Variants in TMEM106B observed in about 807,000 individuals in gnomAD.
TMEM106B encodes the protein transmembrane protein 106B.
TMEM106B carries 15 observed loss-of-function variants against 31.1 expected under a neutral mutation model. That is an observed-to-expected ratio of 0.48 (90% CI 0.32 to 0.74). The LOEUF (loss-of-function observed/expected upper bound fraction) is 0.74. Ranked by LOEUF, TMEM106B falls within the 30% of genes least tolerant of loss-of-function variation. TMEM106B has a pLI of 0.03. For synonymous variants in TMEM106B, 126 were observed against 112.5 expected, an observed-to-expected ratio of 1.12 and a Z score of -0.76; for missense variants, 283 against 327.3, an observed-to-expected ratio of 0.86 and a Z score of 1.04.
chr7:12,215,401 ATTTT>A (rs536072939), intron 2 of TMEM106B, among the ~76,000 whole-genome samples: 1 of 135,472 alleles, frequency 7.4e-6, no homozygotes, highest in African/African-American at 2.7e-5. Flanking sequence ...TTGTTGACCT[ATTTT>A]TTTTTTTTTT....
chr7:12,223,228 G>A (rs1396209422), intron 3 of TMEM106B, among the ~76,000 whole-genome samples: 2 of 152,080 alleles, frequency 1.3e-5, no homozygotes, highest in Admixed American at 6.6e-5. Context: ...TCAAAGCAGA[G>A]TTGATCAATG....
Position 12,232,049 on chromosome 7 carries a change from T to A in TMEM106B, c.*74T>A, listed in dbSNP as rs765971813. 4.1e-5 allele frequency: 58 copies of A among 1,429,016 alleles called. No homozygotes were observed. The highest frequency in any genetic ancestry group is 5.5e-5 in the Non-Finnish European group (58 of 1,053,378). The allele number at this position is 1,429,016 out of a possible 1,614,324, so 88.5% of individuals were successfully genotyped here. A position where few individuals can be genotyped will look rare whatever the true frequency, so the allele number is the denominator to read the frequency against. ...ATACTCTCAATGAAGAGGTATTTCC[T>A]AATAGGAGACCTTAAATTGAACAAA... On this transcript the variant is annotated 3_prime_UTR_variant, in exon 8 of 8. Coordinates refer to ENST00000396668, the MANE Select transcript of TMEM106B (RefSeq NM_001134232.2).
intron 4 of TMEM106B, among the ~76,000 whole-genome samples, chr7:12,226,395 A>G (rs1223934378): frequency 1.3e-5 from 2 of 152,202 alleles, no homozygotes; most frequent in African/African-American, 4.8e-5. Context: ...AACAAAACAA[A>G]CAAAAACCTT....
At chr7:12,218,896 G>A (rs17165736) in intron 3 of TMEM106B, among the ~76,000 whole-genome samples, 19,523 of 152,110 alleles carry the variant, frequency 0.13, 1,419 homozygotes, top group African/African-American at 0.2. Context: ...GCAGCTGTGT[G>A]GAGGTTGTGA....
rs1782118174 is a variant in TMEM106B, at chr7:12,235,691, C to A, written c.*3716C>A. On this transcript the variant is annotated 3_prime_UTR_variant, in exon 8 of 8. Coordinates refer to ENST00000396668, the MANE Select transcript of TMEM106B (RefSeq NM_001134232.2). ...CCCATTTTGTTTGTCTTTTAAAGTT[C>A]TTAGAATAAACAGTTCTTTATATAA... is the stretch of plus-strand genomic sequence containing the variant. The A allele has an allele frequency of 6.6e-6, 1 of 151,654 alleles. No individual in the cohort carries two copies. 9.4% of individuals were successfully genotyped at this position (151,654 alleles called of 1,614,324 possible).
intron 1 of TMEM106B, among the ~76,000 whole-genome samples, chr7:12,212,011 T>C (rs1053206218): frequency 2.0e-5 from 3 of 152,212 alleles, no homozygotes; most frequent in Non-Finnish European, 4.4e-5. Context: ...TTTTAAACCA[T>C]TGAGTCTCCC....
intron 7 of TMEM106B, 49 bp from the exon 8 acceptor site, chr7:12,231,788 A>G (rs1035848968): frequency 9.5e-6 from 14 of 1,477,088 alleles, no homozygotes; most frequent in Admixed American, 1.9e-5. Flanking sequence ...CTATGGAAAA[A>G]CTTCTAATAT....
In TMEM106B at chr7:12,231,982, G is replaced by A. The variant is rs767181566; in HGVS notation, c.*7G>A. ...ACTTCAGCCACAACAGTAAAAACTGGAAGAGATGGATTTAAAGAAGAAATA... is the reference window on the plus strand; with the variant it reads ...ACTTCAGCCACAACAGTAAAAACTGAAAGAGATGGATTTAAAGAAGAAATA... On this transcript the variant is annotated 3_prime_UTR_variant, in exon 8 of 8. Transcript: ENST00000396668. The A allele has an allele frequency of 4.4e-6, 7 of 1,608,212 alleles. No homozygotes were observed. The South Asian group carries it at 5.5e-5, about 13-fold the overall frequency.
chr7:12,218,064 A>C (rs1446706513), intron 2 of TMEM106B, among the ~76,000 whole-genome samples: 1 of 152,040 alleles, frequency 6.6e-6, no homozygotes, highest in African/African-American at 2.4e-5. Context: ...GAGATGATAG[A>C]GGTTTCAGGA....
rs969532893 is a variant in TMEM106B at position 12,241,356 on chromosome 7, C to A, written c.*9381C>A. 1 of 152,082 alleles carries A rather than the reference C, an allele frequency of 6.6e-6. No homozygotes were observed. Among genetic ancestry groups the A allele is most frequent in the African/African-American group, 2.4e-5 (1 of 41,392 alleles). 9.4% of individuals were successfully genotyped at this position (152,082 alleles called of 1,614,324 possible). On this transcript the variant is annotated 3_prime_UTR_variant, in exon 8 of 8. Transcript: ENST00000396668. ...CATGTTGGTTTGCTGCACCCATCAA[C>A]CCGTCATCTACATTAGATATTTCTA... is the stretch of plus-strand genomic sequence containing the variant.
At position 12,238,354 on chromosome 7, in the gene TMEM106B, T is replaced by C. The variant is rs1258409666; in HGVS notation, c.*6379T>C. The C allele has an allele frequency of 6.6e-6, 1 of 152,298 alleles. No homozygotes were observed. Among genetic ancestry groups the C allele is most frequent in the Non-Finnish European group, 1.5e-5 (1 of 68,122 alleles). The allele number at this position is 152,298 out of a possible 1,614,324, so 9.4% of individuals were successfully genotyped here. On this transcript the variant is annotated 3_prime_UTR_variant, in exon 8 of 8. Coordinates refer to ENST00000396668, the MANE Select transcript of TMEM106B (RefSeq NM_001134232.2). ...TTGCTAAATTTTAGTTCTCTTGCTA[T>C]TTCCACATCTGCTGTGACTTCCTTC... is the stretch of plus-strand genomic sequence containing the variant.
chr7:12,214,997 A>G lies in TMEM106B; in HGVS notation c.187A>G (p.Thr63Ala). 1 of 1,613,852 alleles carries G rather than the reference A, an allele frequency of 6.2e-7. No individual in the cohort carries two copies. Among genetic ancestry groups the G allele is most frequent in the Non-Finnish European group, 8.5e-7 (1 of 1,179,858 alleles). ...AGGAAGAGATAGTGTCACCTGCCCTACTTGTCAGGGAACAGGAAGAATTCC... is the reference window on the plus strand; with the variant it reads ...AGGAAGAGATAGTGTCACCTGCCCTGCTTGTCAGGGAACAGGAAGAATTCC... ...FTGRDSVTCP[T>A]CQGTGRIPRG... The change falls in exon 2 of 8, where the codon ACT (threonine) becomes GCT (alanine). Residue 63 changes from threonine to alanine, a missense_variant. This residue lies in a region of TMEM106B where 77 missense variants were observed against 89.4 expected (regional missense o/e 0.86). Transcript: ENST00000396668.
intron 4 of TMEM106B, among the ~76,000 whole-genome samples, chr7:12,226,608 G>C (rs2128526558): frequency 6.6e-6 from 1 of 152,118 alleles, no homozygotes; most frequent in East Asian, 1.9e-4. Context: ...AGATGTCTGT[G>C]GTGGTGGTTG....
intron 3 of TMEM106B, among the ~76,000 whole-genome samples, chr7:12,223,230 T>G (rs1403933206): frequency 6.6e-6 from 1 of 152,182 alleles, no homozygotes; most frequent in Non-Finnish European, 1.5e-5. Flanking sequence ...AAAGCAGAGT[T>G]GATCAATGTA....
At chr7:12,223,560 CAT>C (rs764331059) in intron 3 of TMEM106B, among the ~76,000 whole-genome samples, 12 of 150,792 alleles carry the variant, frequency 8.0e-5, no homozygotes, top group African/African-American at 1.5e-4. Flanking sequence ...CAAAACTTAA[CAT>C]GTGAAAATTC....
At chr7:12,231,581 A>C (rs1405703452) in intron 7 of TMEM106B, 2 of 323,484 alleles carry the variant, frequency 6.2e-6, no homozygotes, top group African/African-American at 4.3e-5. Flanking sequence ...ATGAACTTTT[A>C]TATTTTTAAC....
Position 12,231,966 on chromosome 7 carries a change from A to T in TMEM106B, c.816A>T (p.Pro272=). 1 of 1,610,854 alleles carries T rather than the reference A, an allele frequency of 6.2e-7. No homozygotes were observed. Among genetic ancestry groups the T allele is most frequent in the Non-Finnish European group, 8.5e-7 (1 of 1,177,892 alleles). ...GQSEYLNVLQ[P]QQ Reference sequence around the variant, plus strand: ...CTGAATATTTAAATGTACTTCAGCCACAACAGTAAAAACTGGAAGAGATGG... The same window carrying T: ...CTGAATATTTAAATGTACTTCAGCCTCAACAGTAAAAACTGGAAGAGATGG... Residue 272 remains proline, a synonymous_variant, in exon 8 of 8, where the codon CCA becomes CCT. Coordinates refer to ENST00000396668, the MANE Select transcript of TMEM106B (RefSeq NM_001134232.2).
At chr7:12,222,260 A>G (rs1290723399) in intron 3 of TMEM106B, among the ~76,000 whole-genome samples, 1 of 152,198 alleles carries the variant, frequency 6.6e-6, no homozygotes, top group Non-Finnish European at 1.5e-5. Flanking sequence ...TGCTATCACT[A>G]GAGCCATAAG....
In TMEM106B at chr7:12,231,903, C is replaced by T. The variant is rs373438435; in HGVS notation, c.753C>T (p.Val251=). Residue 251 remains valine, a synonymous_variant, in exon 8 of 8, where the codon GTC becomes GTT. Coordinates refer to ENST00000396668, the MANE Select transcript of TMEM106B (RefSeq NM_001134232.2). The part of the protein sequence containing the change: ...EQISQERYQY[V]DCGRNTTYQL... Reference sequence around the variant, plus strand: ...TATCCCAGGAGAGGTATCAGTATGTCGACTGTGGAAGAAACACAACTTATC... The same window carrying T: ...TATCCCAGGAGAGGTATCAGTATGTTGACTGTGGAAGAAACACAACTTATC... 3.8e-5 allele frequency: 61 copies of T among 1,612,064 alleles called. No individual in the cohort carries two copies. The African/African-American group carries it at 7.2e-4, about 19-fold the overall frequency.
Sources: gnomAD v4.1 joint callset for allele counts (sites outside exome capture counted in the v4.1 genomes callset) on GRCh38, gnomAD v4.1.1 for gene constraint, gnomAD v4.1.1 regional missense constraint, MANE v1.5 for transcripts, NCBI Gene and HGNC (gene_info 2026-07-23, HGNC 2026-07-21) for gene names.